The following SRP72 variants were observed in gnomAD, a reference collection of about 807,000 sequenced individuals.
The protein encoded by SRP72 is signal recognition particle 72, also known as signal recognition particle subunit SRP72.
SRP72 carries 49 observed loss-of-function variants against 96.3 expected under a neutral mutation model. That is an observed-to-expected ratio of 0.51 (90% confidence interval 0.40 to 0.65). The LOEUF (loss-of-function observed/expected upper bound fraction) is 0.65. Among genes scored for constraint, SRP72 ranks in the 30% least tolerant of loss-of-function variants. The probability of loss-of-function intolerance (pLI) is 0.00; values close to 1 mark genes in which losing one functional copy is unlikely to be tolerated. For synonymous variants in SRP72, 267 were observed against 275.2 expected (o/e 0.97, Z 0.30); for missense variants, 736 against 793.3 (o/e 0.93, Z 0.87).
chr4:56,484,719 G>A lies in SRP72; in HGVS notation c.958-17G>A. On this transcript the variant is annotated splice_polypyrimidine_tract_variant and intron_variant, in intron 9 of 18. Coordinates refer to ENST00000642900, the MANE Select transcript of SRP72 (RefSeq NM_006947.4). ...TTAACCAGTTTATTTTTCTTGTGGGGGTTGGATATCTTCTAGGCTGAACAA... is the reference window on the plus strand; with the variant it reads ...TTAACCAGTTTATTTTTCTTGTGGGAGTTGGATATCTTCTAGGCTGAACAA... 1 of 1,612,400 alleles carries A rather than the reference G, an allele frequency of 6.2e-7. No homozygotes were observed. The highest frequency in any genetic ancestry group is 8.5e-7 in the Non-Finnish European group (1 of 1,179,688).
At chr4:56,487,295 T>C (rs1200044883) in intron 11 of SRP72, among the ~76,000 whole-genome samples, 1 of 152,174 alleles carries the variant, frequency 6.6e-6, no homozygotes, top group Non-Finnish European at 1.5e-5. Context: ...AAAATAAGGT[T>C]GAGACACACT....
At position 56,501,971 on chromosome 4, in the gene SRP72, T is replaced by C; in HGVS notation, c.*110T>C. On this transcript the variant is annotated 3_prime_UTR_variant, in exon 19 of 19. Transcript: ENST00000642900. ...GAACTACTCCCTCTTCATCTCCATATTTTCATAATTTCTTGTGTTTCAAAT... is the reference window on the plus strand; with the variant it reads ...GAACTACTCCCTCTTCATCTCCATACTTTCATAATTTCTTGTGTTTCAAAT... 1 of 1,144,808 alleles carries C rather than the reference T, an allele frequency of 8.7e-7. No individual in the cohort carries two copies. The highest frequency in any genetic ancestry group is 2.3e-5 in the Admixed American group (1 of 43,284). 70.9% of individuals were successfully genotyped at this position (1,144,808 alleles called of 1,614,324 possible).
In SRP72 at chr4:56,469,694, A is replaced by C; in HGVS notation, c.151A>C (p.Lys51Gln). The C allele has an allele frequency of 1.9e-6, 3 of 1,612,422 alleles. No individual in the cohort carries two copies. Among genetic ancestry groups the C allele is most frequent in the Non-Finnish European group, 2.5e-6 (3 of 1,178,734 alleles). ...NKDDVTALHC[K>Q]VVCLIQNGSF... ...AGATGACGTAACTGCCCTGCATTGTAAAGTGGTATGCCTTATCCAGAATGG... is the reference window on the plus strand; with the variant it reads ...AGATGACGTAACTGCCCTGCATTGTCAAGTGGTATGCCTTATCCAGAATGG... The change falls in exon 2 of 19, where the codon AAA becomes CAA. Residue 51 changes from lysine to glutamine, a missense_variant. Physicochemically the swap from Lys to Gln is moderately conservative, Grantham distance 53 (BLOSUM62 1). Transcript: ENST00000642900.
At chr4:56,500,410 A>G in intron 17 of SRP72, 126 bp from the exon 18 acceptor site, 3 of 1,075,460 alleles carry the variant, frequency 2.8e-6, no homozygotes, top group Non-Finnish European at 4.0e-6. Flanking sequence ...TATACAAACT[A>G]AACTTTCTCA....
At chr4:56,481,514 T>G (rs1720482037) in intron 8 of SRP72, among the ~76,000 whole-genome samples, 1 of 152,132 alleles carries the variant, frequency 6.6e-6, no homozygotes, top group Non-Finnish European at 1.5e-5. Flanking sequence ...AAATTGAGCT[T>G]CTTTATGCTT....
chr4:56,470,828 GTT>G (rs569643683), intron 2 of SRP72, among the ~76,000 whole-genome samples: 30 of 130,152 alleles, frequency 2.3e-4, no homozygotes, highest in Admixed American at 3.9e-4. Context: ...TTGGATAAAA[GTT>G]TTTTTTTTTT....
At chr4:56,485,802 GAAAA>G (rs1044674650) in intron 10 of SRP72, among the ~76,000 whole-genome samples, 1 of 150,146 alleles carries the variant, frequency 6.7e-6, no homozygotes, top group Non-Finnish European at 1.5e-5. Flanking sequence ...CTCCGCCTCA[GAAAA>G]AAAAAGCACA....
chr4:56,479,798 G>T lies in SRP72; in HGVS notation c.825+1149G>T, dbSNP rs538876952. ...CACCCAGCCTGGAAAAACATTTCAA[G>T]GTCACAATTGAAATCCAAGTCAGTG... On this transcript the variant is annotated intron_variant, in intron 8 of 18. Transcript: ENST00000642900. Among the ~76,000 whole-genome samples the T allele has an allele frequency of 3.9e-5, 6 of 152,148 alleles. No individual in the cohort carries two copies. In the South Asian group the frequency reaches 1.2e-3, roughly 32 times the overall value.
Position 56,483,249 on chromosome 4 carries a change from A to G in SRP72, c.936A>G (p.Leu312=). 1 of 1,613,046 alleles carries G rather than the reference A, an allele frequency of 6.2e-7. No individual in the cohort carries two copies. Among genetic ancestry groups the G allele is most frequent in the Non-Finnish European group, 8.5e-7 (1 of 1,179,720 alleles). The change falls in exon 9 of 19, where the codon TTA becomes TTG. Residue 312 remains leucine, a synonymous_variant. Transcript: ENST00000642900. ...AAGCTATAGAATTTAACAAAGCTTT[A>G]CTTGCTATGTACACAAACCAGGTGG... ...QLQAIEFNKA[L]LAMYTNQAEQ... is the part of the protein sequence containing the mutation.
intron 16 of SRP72, among the ~76,000 whole-genome samples, chr4:56,494,388 C>T (rs1395021539): frequency 6.7e-6 from 1 of 148,872 alleles, no homozygotes; most frequent in Non-Finnish European, 1.5e-5. Context: ...TTTCTCTTTT[C>T]ACTAGAGCTT....
chr4:56,475,258 A>C (rs1237097425), intron 5 of SRP72, among the ~76,000 whole-genome samples: 1 of 152,244 alleles, frequency 6.6e-6, no homozygotes, highest in Non-Finnish European at 1.5e-5. Context: ...AATCTGTTTA[A>C]GAATTATAAT....
Position 56,484,585 on chromosome 4 carries a change from T to G in SRP72, c.958-151T>G. Reference sequence around the variant, plus strand: ...TTTTCTTACAAGAAAAAATTGAGAATAGATACTGTAAACTGATTCTCTTAC... The same window carrying G: ...TTTTCTTACAAGAAAAAATTGAGAAGAGATACTGTAAACTGATTCTCTTAC... On this transcript the variant is annotated intron_variant, in intron 9 of 18. Coordinates refer to ENST00000642900, the MANE Select transcript of SRP72 (RefSeq NM_006947.4). 4.1e-6 allele frequency: 4 copies of G among 966,058 alleles called. No homozygotes were observed. The South Asian group carries it at 6.3e-5, about 15-fold the overall frequency. 59.8% of individuals were successfully genotyped at this position (966,058 alleles called of 1,614,324 possible).
rs138708137 is a variant in SRP72 at position 56,489,039 on chromosome 4, A to G, written c.1225-349A>G. The G allele has an allele frequency of 1.1e-3, 179 of 167,226 alleles. 3 individuals are homozygous for G. The East Asian group carries it at 0.022, about 20-fold the overall frequency. 10.4% of individuals were successfully genotyped at this position (167,226 alleles called of 1,614,324 possible). On this transcript the variant is annotated intron_variant, in intron 12 of 18. Transcript: ENST00000642900. ...TTCATCATGAGAGTTCAGCCGCTCT[A>G]TGTATGCCTCACTGATCATACACTT...
intron 18 of SRP72, among the ~76,000 whole-genome samples, chr4:56,501,121 T>C (rs932063111): frequency 9.9e-5 from 15 of 152,250 alleles, no homozygotes; most frequent in African/African-American, 3.4e-4. Context: ...TAAAAAATTT[T>C]TTCTGGCCGG....
chr4:56,497,005 A>C (rs1404175547), intron 17 of SRP72, among the ~76,000 whole-genome samples: 1 of 152,118 alleles, frequency 6.6e-6, no homozygotes, highest in Non-Finnish European at 1.5e-5. Flanking sequence ...AAAAAAAAGC[A>C]TGCTCCCAGA....
chr4:56,474,292 C>T lies in SRP72; in HGVS notation c.511C>T (p.Leu171Phe), dbSNP rs75269590. The T allele has an allele frequency of 3.1e-6, 5 of 1,613,780 alleles. No homozygotes were observed. Among genetic ancestry groups the T allele is most frequent in the African/African-American group, 2.7e-5 (2 of 74,902 alleles). Residue 171 changes from leucine to phenylalanine, a missense_variant, in exon 5 of 19, where the codon CTC becomes TTC. Transcript: ENST00000642900. ...WEKVVPENLG[L>F]QEGTHELCYN... Reference sequence around the variant, plus strand: ...TGTCCCCTGACAGGAGAACCTGGGCCTCCAAGAAGGCACACATGAGCTGTG... The same window carrying T: ...TGTCCCCTGACAGGAGAACCTGGGCTTCCAAGAAGGCACACATGAGCTGTG...
Position 56,490,413 on chromosome 4 carries a change from T to C in SRP72, c.1401T>C (p.Ile467=). Residue 467 remains isoleucine, a synonymous_variant, in exon 14 of 19, where the codon ATT becomes ATC. Transcript: ENST00000642900. ...AATATGGGCGGAAGAAGGAGGCAAT[T>C]AGTGACCTACAACAGCTGTGGAAGT... ...KLKYGRKKEA[I]SDLQQLWKQN... The C allele has an allele frequency of 6.2e-7, 1 of 1,614,006 alleles. No individual in the cohort carries two copies. The highest frequency in any genetic ancestry group is 1.1e-5 in the South Asian group (1 of 91,046).
intron 10 of SRP72, 140 bp downstream of exon 10, chr4:56,485,004 T>G: frequency 9.5e-7 from 1 of 1,053,964 alleles, no homozygotes; most frequent in Non-Finnish European, 1.3e-6. Context: ...ATTGTCATTT[T>G]AGTTAACTCT....
In SRP72 at chr4:56,486,361, A is replaced by G; in HGVS notation, c.1123A>G (p.Ile375Val). 3 of 1,606,196 alleles carry G rather than the reference A, an allele frequency of 1.9e-6. No individual in the cohort carries two copies. Among genetic ancestry groups the G allele is most frequent in the Non-Finnish European group, 2.6e-6 (3 of 1,174,886 alleles). ...TCAGCATCCAGAAAATGCAGCTGAA[A>G]TTAAGCTGACCATGGCACAGTTGAA... ...SDQHPENAAEIKLTMAQLKIS... is the reference protein window; with the variant it reads ...SDQHPENAAEVKLTMAQLKIS... Residue 375 changes from isoleucine to valine, a missense_variant, in exon 11 of 19, where the codon ATT becomes GTT. Ile to Val is a conservative substitution (Grantham distance 29). Coordinates refer to ENST00000642900, the MANE Select transcript of SRP72 (RefSeq NM_006947.4).
Sources: gnomAD v4.1 joint callset for allele counts (sites outside exome capture counted in the v4.1 genomes callset) on GRCh38, gnomAD v4.1.1 for gene constraint, MANE v1.5 for transcripts, NCBI Gene and HGNC (gene_info 2026-07-23, HGNC 2026-07-21) for gene names.